NPL: variants seen among roughly 807,000 people sequenced by gnomAD.
NPL encodes the protein N-acetylneuraminate lyase.
A neutral mutation model predicts 41.1 loss-of-function variants in NPL; 32 were observed. The ratio of observed to expected loss-of-function variants is 0.78; its 90% CI spans 0.59 to 1.05. The LOEUF (loss-of-function observed/expected upper bound fraction) is 1.05. Among genes scored for constraint, NPL ranks in the 50% least tolerant of loss-of-function variants. The probability of loss-of-function intolerance (pLI) is 0.00; values close to 1 mark genes in which losing one functional copy is unlikely to be tolerated. For missense variants in NPL, 321 were observed against 378.4 expected (o/e 0.85, Z 1.26); for synonymous variants, 128 against 134.9 (o/e 0.95, Z 0.35).
In NPL at chr1:182,828,826, A is replaced by T. The variant is rs1274868752; in HGVS notation, c.881A>T (p.Asp294Val). The part of the protein sequence containing the change: ...PLQKASREFT[D>V]SAEAKLKSLD... The stretch of plus-strand genomic sequence containing the variant: ...CAGAAAGCCTCCAGGGAGTTTACTG[A>T]TAGTGCTGAAGCTAAACTGAAGAGC... Residue 294 changes from aspartate (D) to valine (V), a missense_variant, in exon 13 of 13, where the codon GAT (aspartate) becomes GTT (valine). Coordinates refer to ENST00000367553, the MANE Select transcript of NPL (RefSeq NM_030769.3). This position sits in a 1 kb window ranked among gnomAD's most constrained non-coding sequence, Gnocchi z 4.0. The T allele has an allele frequency of 1.2e-6, 2 of 1,614,196 alleles. No individual in the cohort carries two copies. Among genetic ancestry groups the T allele is most frequent in the Non-Finnish European group, 1.7e-6 (2 of 1,180,038 alleles).
chr1:182,814,855 AAAGGT>A lies in NPL; in HGVS notation c.364+1_364+5del, dbSNP rs757256606. 6.1e-5 allele frequency: 99 copies of A among 1,613,312 alleles called. No homozygotes were observed. The highest frequency in any genetic ancestry group is 8.3e-5 in the Non-Finnish European group (98 of 1,179,358). ...ACCGTTCTTCCTCAAGCCATGGACCAAAGGTAAGTAGATAGGTCTGAATGCATGGC... is the reference window on the plus strand; with the variant it reads ...ACCGTTCTTCCTCAAGCCATGGACCAAAGTAGATAGGTCTGAATGCATGGC... On this transcript the variant is annotated splice_donor_variant and coding_sequence_variant, in exon 7 of 13. Transcript: ENST00000367553. LOFTEE classifies it high-confidence loss of function.
At chr1:182,815,944 C>T (rs1471059657) in intron 7 of NPL, among the ~76,000 whole-genome samples, 3 of 152,146 alleles carry the variant, frequency 2.0e-5, no homozygotes, top group Admixed American at 6.6e-5. Context: ...CAAATTTTTA[C>T]GTGAATATGT....
chr1:182,798,520 G>A (rs938984507), intron 3 of NPL, among the ~76,000 whole-genome samples: 14 of 152,238 alleles, frequency 9.2e-5, no homozygotes, highest in Admixed American at 2.6e-4. Flanking sequence ...GAGCAGCTGC[G>A]CCAGCCAAGA....
At chr1:182,816,540 A>T (rs1287841282) in intron 7 of NPL, among the ~76,000 whole-genome samples, 174 bp from the exon 8 acceptor site, 1 of 152,162 alleles carries the variant, frequency 6.6e-6, no homozygotes, top group East Asian at 1.9e-4. Context: ...ATAAAACTTG[A>T]AGGAAGTGAG....
intron 5 of NPL, among the ~76,000 whole-genome samples, chr1:182,811,138 C>A (rs1474503693): frequency 6.6e-6 from 1 of 152,172 alleles, no homozygotes; most frequent in East Asian, 1.9e-4. Context: ...CATTTACTTA[C>A]AAAAATCATA....
chr1:182,829,183 G>A lies in NPL; in HGVS notation c.*275G>A. 2 of 1,299,294 alleles carry A rather than the reference G, an allele frequency of 1.5e-6. No homozygotes were observed. Among genetic ancestry groups the A allele is most frequent in the Non-Finnish European group, 2.0e-6 (2 of 1,023,420 alleles). The allele number at this position is 1,299,294 out of a possible 1,614,324, so 80.5% of individuals were successfully genotyped here. On this transcript the variant is annotated 3_prime_UTR_variant, in exon 13 of 13. Transcript: ENST00000367553. ...ATGAAATGGAATCAAGAGGAAAATTGTAATTGATTAATTCCATCTGTCTTT... is the reference window on the plus strand; with the variant it reads ...ATGAAATGGAATCAAGAGGAAAATTATAATTGATTAATTCCATCTGTCTTT...
At chr1:182,802,656 C>T (rs1666883715) in intron 3 of NPL, among the ~76,000 whole-genome samples, 2 of 152,320 alleles carry the variant, frequency 1.3e-5, no homozygotes, top group South Asian at 2.1e-4. Flanking sequence ...GCTTGCTGCA[C>T]CATTTTCCTT....
At chr1:182,794,007 C>T in intron 2 of NPL, among the ~76,000 whole-genome samples, 1 of 152,156 alleles carries the variant, frequency 6.6e-6, no homozygotes, top group Non-Finnish European at 1.5e-5. Flanking sequence ...TATACTGAGG[C>T]ATGACTATAA....
At chr1:182,812,360 C>T in intron 6 of NPL, 147 bp downstream of exon 6, 2 of 747,350 alleles carry the variant, frequency 2.7e-6, no homozygotes, top group Non-Finnish European at 4.7e-6. Flanking sequence ...TGCATAGAAG[C>T]AGGCATTGAG....
At chr1:182,821,189 A>G (rs1473297744) in intron 10 of NPL, among the ~76,000 whole-genome samples, 2 of 152,226 alleles carry the variant, frequency 1.3e-5, no homozygotes, top group South Asian at 2.1e-4. Context: ...TACAAGTCCA[A>G]CAACATTTCT....
At chr1:182,817,898 G>A (rs1269556538) in intron 8 of NPL, among the ~76,000 whole-genome samples, 1 of 152,080 alleles carries the variant, frequency 6.6e-6, no homozygotes, top group Non-Finnish European at 1.5e-5. Context: ...AGTTTCTATG[G>A]AGACTTCATT....
Position 182,822,131 on chromosome 1 carries a change from G to C in NPL, c.670G>C (p.Gly224Arg). The change falls in exon 11 of 13, where the codon GGA (glycine) becomes CGA (arginine). Residue 224 changes from glycine to arginine, a missense_variant. Coordinates refer to ENST00000367553, the MANE Select transcript of NPL (RefSeq NM_030769.3). ...GAVGSTYNYL[G>R]KKTNQMLEAF... is the part of the protein sequence containing the mutation. ...TCTTGCCAGTACCTATAACTACCTGGGAAAAAAGACAAACCAGATGTTGGA... is the reference window on the plus strand; with the variant it reads ...TCTTGCCAGTACCTATAACTACCTGCGAAAAAAGACAAACCAGATGTTGGA... 1 of 1,612,514 alleles carries C rather than the reference G, an allele frequency of 6.2e-7. No individual in the cohort carries two copies. The highest frequency in any genetic ancestry group is 8.5e-7 in the Non-Finnish European group (1 of 1,178,592).
At chr1:182,815,154 T>G (rs980955716) in intron 7 of NPL, among the ~76,000 whole-genome samples, 2 of 152,152 alleles carry the variant, frequency 1.3e-5, no homozygotes, top group Admixed American at 1.3e-4. Context: ...GTGAGTTGCA[T>G]AGGGTGTCAG....
intron 3 of NPL, among the ~76,000 whole-genome samples, chr1:182,802,063 G>A (rs927267810): frequency 2.0e-5 from 3 of 152,154 alleles, no homozygotes; most frequent in African/African-American, 7.2e-5. Flanking sequence ...TTATGCAAGC[G>A]TGGTGCTAAC....
rs1050071158 is a variant in NPL at position 182,828,491 on chromosome 1, G to A, written c.779-233G>A. Among the ~76,000 whole-genome samples, 1 of 152,058 alleles carries A rather than the reference G, an allele frequency of 6.6e-6. No individual in the cohort carries two copies. The highest frequency in any genetic ancestry group is 1.5e-5 in the Non-Finnish European group (1 of 68,004). ...GGTTTAAGATTAACCTTGAGTCTTTGTTTTCTTTTACTGTGATCAACTTTT... is the reference window on the plus strand; with the variant it reads ...GGTTTAAGATTAACCTTGAGTCTTTATTTTCTTTTACTGTGATCAACTTTT... On this transcript the variant is annotated intron_variant, in intron 12 of 12. Coordinates refer to ENST00000367553, the MANE Select transcript of NPL (RefSeq NM_030769.3). The surrounding 1 kb of genome is among the most constrained non-coding windows in gnomAD (Gnocchi z 4.0).
chr1:182,823,548 A>C (rs1392248173), intron 11 of NPL, among the ~76,000 whole-genome samples: 1 of 152,212 alleles, frequency 6.6e-6, no homozygotes, highest in Non-Finnish European at 1.5e-5. Flanking sequence ...TAAACTAAAC[A>C]TCGACAAGAC....
intron 3 of NPL, 72 bp downstream of exon 3, chr1:182,794,511 A>G (rs1264056446): frequency 6.9e-7 from 1 of 1,456,954 alleles, no homozygotes; most frequent in Non-Finnish European, 9.6e-7. Context: ...CTTTGTAACA[A>G]CAGTCACTTA....
At chr1:182,819,185 A>G (rs1043145096) in intron 10 of NPL, among the ~76,000 whole-genome samples, 1 of 152,062 alleles carries the variant, frequency 6.6e-6, no homozygotes, top group Admixed American at 6.5e-5. Context: ...GGCCGGGCAC[A>G]GTGGCTCACG....
intron 7 of NPL, among the ~76,000 whole-genome samples, chr1:182,815,694 C>G (rs1198000590): frequency 6.6e-6 from 1 of 152,180 alleles, no homozygotes; most frequent in African/African-American, 2.4e-5. Context: ...GCCTCAAACT[C>G]CTGGGCTCAA....
Sources: allele counts gnomAD v4.1 joint callset (sites outside exome capture counted in the v4.1 genomes callset), GRCh38; gene constraint gnomAD v4.1.1; non-coding constraint Gnocchi (gnomAD v3.1); transcripts MANE v1.5; gene names NCBI Gene and HGNC (gene_info 2026-07-23, HGNC 2026-07-21).